The following ZNF385D variants were observed in gnomAD, a reference collection of about 807,000 sequenced individuals.
The protein encoded by ZNF385D is zinc finger protein 385D.
A neutral mutation model predicts 35.8 loss-of-function variants in ZNF385D; 15 were observed. The observed-to-expected ratio is 0.42, with a 90% confidence interval of 0.28 to 0.64. The LOEUF is 0.64. ZNF385D is among the 30% of genes least tolerant of loss of function. The pLI, the probability that ZNF385D is intolerant of heterozygous loss-of-function variation, is 0.23. For synonymous variants in ZNF385D, 212 were observed against 186.8 expected, an observed-to-expected ratio of 1.13 and a Z score of -1.10; for missense variants, 474 against 494.6, an observed-to-expected ratio of 0.96 and a Z score of 0.39.
intron 3 of ZNF385D, among the ~76,000 whole-genome samples, chr3:21,955,149 T>C (rs1265616177): frequency 1.3e-5 from 2 of 152,118 alleles, no homozygotes; most frequent in East Asian, 1.9e-4. Flanking sequence ...AAAAAAACTT[T>C]ATAAAATTTC....
At chr3:21,594,937 C>T (rs1340119063) in intron 2 of ZNF385D, among the ~76,000 whole-genome samples, 1 of 152,070 alleles carries the variant, frequency 6.6e-6, no homozygotes, top group Non-Finnish European at 1.5e-5. Context: ...AAGTAAAGTA[C>T]AAAATTAAAC....
intron 3 of ZNF385D, among the ~76,000 whole-genome samples, chr3:22,040,873 T>C (rs1698624237): frequency 6.6e-6 from 1 of 151,932 alleles, no homozygotes; most frequent in South Asian, 2.1e-4. Flanking sequence ...GTCAAGTGTC[T>C]TGCTTGCTAG....
At chr3:21,514,210 G>T (rs149798458) in intron 3 of ZNF385D, among the ~76,000 whole-genome samples, 1 of 152,070 alleles carries the variant, frequency 6.6e-6, no homozygotes, top group Non-Finnish European at 1.5e-5. Context: ...TCTGAGGGTC[G>T]TCATTGCCAG....
intron 3 of ZNF385D, among the ~76,000 whole-genome samples, chr3:22,105,446 G>A (rs1702156742): frequency 6.6e-6 from 1 of 151,822 alleles, no homozygotes; most frequent in Non-Finnish European, 1.5e-5. Flanking sequence ...CTTATATACA[G>A]AGAGAGAAAG....
chr3:22,072,613 A>G (rs1187419031), intron 3 of ZNF385D, among the ~76,000 whole-genome samples: 1 of 152,034 alleles, frequency 6.6e-6, no homozygotes, highest in Non-Finnish European at 1.5e-5. Context: ...TTACCTAATC[A>G]AAACTAAAAA....
chr3:22,033,124 G>C (rs6771769), intron 3 of ZNF385D, among the ~76,000 whole-genome samples: 10,946 of 152,068 alleles, frequency 0.072, 1,347 homozygotes, highest in African/African-American at 0.25. Flanking sequence ...CAGTGAGGCC[G>C]GGCACAGTGG....
At chr3:22,290,090 G>T (rs1257004927) in intron 2 of ZNF385D, among the ~76,000 whole-genome samples, 1 of 152,156 alleles carries the variant, frequency 6.6e-6, no homozygotes, top group African/African-American at 2.4e-5. Context: ...GTTCTAGGGA[G>T]ATTTGTGTAT....
Position 21,441,584 on chromosome 3 carries a change from A to C in ZNF385D, c.440-4381T>G, listed in dbSNP as rs572145658. ...AGAAACTAAGCGTGGCCCAAGCTAGAGTCAATTACGTATATCCAAATACCA... is the reference window on the plus strand; with the variant it reads ...AGAAACTAAGCGTGGCCCAAGCTAGCGTCAATTACGTATATCCAAATACCA... On this transcript the variant is annotated intron_variant, in intron 4 of 7. Transcript: ENST00000281523. 10 of 563,074 alleles carry C rather than the reference A, an allele frequency of 1.8e-5. No individual in the cohort carries two copies. In the South Asian group the frequency reaches 7.8e-4, roughly 44 times the overall value. The allele number at this position is 563,074 out of a possible 1,614,324, so 34.9% of individuals were successfully genotyped here.
intron 4 of ZNF385D, among the ~76,000 whole-genome samples, chr3:21,439,709 C>T (rs2125242220): frequency 6.6e-6 from 1 of 152,168 alleles, no homozygotes; most frequent in South Asian, 2.1e-4. Flanking sequence ...CCTGTGACAT[C>T]TACGTTAGTG....
chr3:22,023,236 G>T (rs1358362941), intron 3 of ZNF385D, among the ~76,000 whole-genome samples: 1 of 152,140 alleles, frequency 6.6e-6, no homozygotes, highest in Non-Finnish European at 1.5e-5. Flanking sequence ...AGAATGAGAG[G>T]AAGCAGAGTG....
intron 3 of ZNF385D, among the ~76,000 whole-genome samples, chr3:22,090,022 T>G (rs1701247563): frequency 6.6e-6 from 1 of 152,026 alleles, no homozygotes. Context: ...TGCATTTTAG[T>G]AGAGACAGGG....
At chr3:22,001,386 A>G (rs1472531268) in intron 3 of ZNF385D, among the ~76,000 whole-genome samples, 1 of 152,160 alleles carries the variant, frequency 6.6e-6, no homozygotes, top group Non-Finnish European at 1.5e-5. Context: ...AAAAAGAGAC[A>G]AAGAAAGTCA....
chr3:21,751,236 A>ACCG, upstream of ZNF385D: 60 of 1,106,146 alleles, frequency 5.4e-5, no homozygotes, highest in Non-Finnish European at 6.5e-5. Flanking sequence ...AGACCCCTCC[A>ACCG]CCCCACCCCA....
intron 3 of ZNF385D, among the ~76,000 whole-genome samples, chr3:21,957,555 C>G (rs1195423406): frequency 6.6e-6 from 1 of 152,030 alleles, no homozygotes; most frequent in Non-Finnish European, 1.5e-5. Flanking sequence ...TTTGTTTTAG[C>G]AAAACTCACA....
chr3:22,343,072 A>G (rs953601990), intron 2 of ZNF385D, among the ~76,000 whole-genome samples: 1 of 152,250 alleles, frequency 6.6e-6, no homozygotes, highest in Non-Finnish European at 1.5e-5. Context: ...ATACGTTTTA[A>G]CGATACATAT....
At chr3:22,129,058 C>A (rs75712852) in intron 3 of ZNF385D, among the ~76,000 whole-genome samples, 1,876 of 152,282 alleles carry the variant, frequency 0.012, 41 homozygotes, top group African/African-American at 0.043. Flanking sequence ...ACCCTATGCC[C>A]AGCAACTCTA....
At chr3:22,145,997 G>T (rs964654842) in intron 3 of ZNF385D, among the ~76,000 whole-genome samples, 3 of 152,034 alleles carry the variant, frequency 2.0e-5, no homozygotes, top group Non-Finnish European at 4.4e-5. Flanking sequence ...GAGTCTAGGT[G>T]GTCAGTGAAA....
At chr3:21,849,098 T>C (rs1219249182) in intron 3 of ZNF385D, among the ~76,000 whole-genome samples, 1 of 152,086 alleles carries the variant, frequency 6.6e-6, no homozygotes, top group Non-Finnish European at 1.5e-5. Context: ...TGTTGTTGCC[T>C]ATAATATTGG....
chr3:22,275,719 CAA>C (rs1445538200), intron 2 of ZNF385D, among the ~76,000 whole-genome samples: 3 of 152,074 alleles, frequency 2.0e-5, no homozygotes, highest in Admixed American at 2.0e-4. Context: ...CTGGTGATGT[CAA>C]AAGAGTTTCA....
Sources: gnomAD v4.1 joint callset for allele counts (sites outside exome capture counted in the v4.1 genomes callset) on GRCh38, gnomAD v4.1.1 for gene constraint, MANE v1.5 for transcripts, NCBI Gene and HGNC (gene_info 2026-07-23, HGNC 2026-07-21) for gene names.